The following FBXL17 variants were observed in gnomAD, a reference collection of about 807,000 sequenced individuals.
The protein encoded by FBXL17 is F-box/LRR-repeat protein 17.
In FBXL17, 22 loss-of-function variants were observed where a neutral mutation model predicts 66.2. The observed-to-expected ratio is 0.33, with a 90% CI of 0.24 to 0.47. The LOEUF (loss-of-function observed/expected upper bound fraction) is 0.47, where lower values mean the gene tolerates loss of function less well. Ranked by LOEUF, FBXL17 falls within the 20% of genes least tolerant of loss-of-function variation. FBXL17 has a pLI of 1.00. For synonymous variants in FBXL17, 474 were observed against 400.5 expected, an observed-to-expected ratio of 1.18 and a Z score of -2.19; for missense variants, 878 against 948.2, an observed-to-expected ratio of 0.93 and a Z score of 0.97.
chr5:108,338,370 C>T (rs1746652577), intron 4 of FBXL17, among the ~76,000 whole-genome samples: 1 of 151,984 alleles, frequency 6.6e-6, no homozygotes, highest in Non-Finnish European at 1.5e-5. Context: ...GGATTTACAA[C>T]CACTTTTCTT....
intron 3 of FBXL17, among the ~76,000 whole-genome samples, chr5:108,359,806 A>G (rs1748227310): frequency 6.6e-6 from 1 of 152,114 alleles, no homozygotes. Context: ...TGCTAGGTGC[A>G]GTGGGTTCAT....
chr5:107,915,310 C>T (rs1750088399), intron 7 of FBXL17, among the ~76,000 whole-genome samples: 1 of 152,052 alleles, frequency 6.6e-6, no homozygotes, highest in South Asian at 2.1e-4. Flanking sequence ...GAATCTGACA[C>T]TAAAAATGGC....
At chr5:108,154,660 T>TATATAC in intron 6 of FBXL17, among the ~76,000 whole-genome samples, 2 of 141,330 alleles carry the variant, frequency 1.4e-5, no homozygotes. Context: ...TATATGTATA[T>TATATAC]ACATATATAT....
intron 4 of FBXL17, among the ~76,000 whole-genome samples, chr5:108,280,325 A>C (rs1413903526): frequency 1.3e-5 from 2 of 152,168 alleles, no homozygotes; most frequent in Non-Finnish European, 2.9e-5. Context: ...GATATATTGA[A>C]TGTGCTAAAG....
At chr5:108,342,158 T>C (rs917738570) in intron 4 of FBXL17, among the ~76,000 whole-genome samples, 1 of 152,164 alleles carries the variant, frequency 6.6e-6, no homozygotes, top group East Asian at 1.9e-4. Context: ...TACAGAGTTA[T>C]CAGTTCATGA....
chr5:108,238,802 C>T (rs566844603), intron 4 of FBXL17, among the ~76,000 whole-genome samples: 35 of 152,126 alleles, frequency 2.3e-4, no homozygotes, highest in Non-Finnish European at 4.3e-4. Context: ...TGAGCTACTG[C>T]ACCCAGCTGA....
intron 4 of FBXL17, among the ~76,000 whole-genome samples, chr5:108,341,765 G>C (rs1746897064): frequency 6.6e-6 from 1 of 152,022 alleles, no homozygotes; most frequent in Non-Finnish European, 1.5e-5. Flanking sequence ...TAGTGGCACT[G>C]TAACACTCAC....
At chr5:108,268,966 T>C (rs118038488) in intron 4 of FBXL17, among the ~76,000 whole-genome samples, 1 of 152,204 alleles carries the variant, frequency 6.6e-6, no homozygotes, top group East Asian at 1.9e-4. Context: ...AATATTCATA[T>C]AATGAGGTAG....
rs149282435 is a variant in FBXL17 at position 107,979,643 on chromosome 5, T to C, written c.1822+41282A>G. On this transcript the variant is annotated intron_variant, in intron 7 of 8. Coordinates refer to ENST00000542267, the MANE Select transcript of FBXL17 (RefSeq NM_001163315.3). ...CCCTCTGGAAATGAGGCAGCAAATG[T>C]GGTCTTCTCTAAAAAGAGTATGAAT... Among the ~76,000 whole-genome samples the C allele has an allele frequency of 1.2e-4, 18 of 152,320 alleles. No homozygotes were observed. The East Asian group carries it at 2.3e-3, about 20-fold the overall frequency.
chr5:108,186,052 TA>T lies in FBXL17; in HGVS notation c.1745+64del, dbSNP rs1319426425. On this transcript the variant is annotated intron_variant, in intron 6 of 8. Coordinates refer to ENST00000542267, the MANE Select transcript of FBXL17 (RefSeq NM_001163315.3). ...TTTTAGTTATAGACATGCCTTGTTA[TA>T]ATAATTAATATTTCCTAAATGTTTT... 42 of 1,299,446 alleles carry T rather than the reference TA, an allele frequency of 3.2e-5. 1 individual carries two copies. The Admixed American group carries it at 3.2e-4, about 10-fold the overall frequency. 80.5% of individuals were successfully genotyped at this position (1,299,446 alleles called of 1,614,324 possible).
At chr5:108,202,917 A>T (rs1400928994) in intron 5 of FBXL17, among the ~76,000 whole-genome samples, 4 of 152,170 alleles carry the variant, frequency 2.6e-5, no homozygotes, top group Admixed American at 2.6e-4. Context: ...TATTTTAGTT[A>T]CACAGTGCGT....
In FBXL17 at chr5:108,306,200, T is replaced by C. The variant is rs575240722; in HGVS notation, c.1506+42199A>G. 1.1e-4 allele frequency among the ~76,000 whole-genome samples: 17 copies of C among 152,204 alleles called. No homozygotes were observed. The South Asian group carries it at 3.5e-3, about 32-fold the overall frequency. ...GTACTTACTGATATTATAATTCTAC[T>C]TTTTAGATATATGGGGGAAAATACA... On this transcript the variant is annotated intron_variant, in intron 4 of 8. Coordinates refer to ENST00000542267, the MANE Select transcript of FBXL17 (RefSeq NM_001163315.3).
Position 107,860,139 on chromosome 5 carries a change from G to T in FBXL17, c.*1581C>A, listed in dbSNP as rs187733703. The T allele has an allele frequency of 3.0e-4, 46 of 152,408 alleles. No homozygotes were observed. Among genetic ancestry groups the T allele is most frequent in the African/African-American group, 1.1e-3 (46 of 41,570 alleles). 9.4% of individuals were successfully genotyped at this position (152,408 alleles called of 1,614,324 possible). On this transcript the variant is annotated 3_prime_UTR_variant, in exon 9 of 9. Coordinates refer to ENST00000542267, the MANE Select transcript of FBXL17 (RefSeq NM_001163315.3). ...GGAAACAGTTGTTTACAAAAAAAGA[G>T]AATCATTAGAAATCAGTAAATGGCA...
intron 6 of FBXL17, among the ~76,000 whole-genome samples, chr5:108,164,772 A>G (rs536433414): frequency 6.6e-6 from 1 of 152,312 alleles, no homozygotes; most frequent in Non-Finnish European, 1.5e-5. Context: ...AAGTTAAGTA[A>G]CTTGCGCAAT....
intron 7 of FBXL17, among the ~76,000 whole-genome samples, chr5:107,904,164 C>A (rs1749672274): frequency 6.6e-6 from 1 of 152,150 alleles, no homozygotes; most frequent in Non-Finnish European, 1.5e-5. Context: ...TCAAAAGCAA[C>A]ATGTCCATTT....
rs568633858 is a variant in FBXL17 at position 108,177,909 on chromosome 5, A to AAG, written c.1745+8207_1745+8208insCT. ...TATTATCCTTGCTCCAGAAAAAAAA[A>AAG]TGTATATATATATATATATATATAC... On this transcript the variant is annotated intron_variant, in intron 6 of 8. Coordinates refer to ENST00000542267, the MANE Select transcript of FBXL17 (RefSeq NM_001163315.3). 3.8e-3 allele frequency among the ~76,000 whole-genome samples: 198 copies of AAG among 51,548 alleles called. 4 individuals are homozygous for AAG. Among genetic ancestry groups the AAG allele is most frequent in the Admixed American group, 7.5e-3 (30 of 3,992 alleles). 33.8% of individuals were successfully genotyped at this position (51,548 alleles called of 152,430 possible).
At chr5:108,356,797 G>A (rs1041211022) in intron 3 of FBXL17, among the ~76,000 whole-genome samples, 3 of 151,958 alleles carry the variant, frequency 2.0e-5, no homozygotes, top group African/African-American at 7.3e-5. Context: ...AATACCAAGA[G>A]TGAACCCTAA....
At chr5:107,955,885 T>C (rs910747723) in intron 7 of FBXL17, among the ~76,000 whole-genome samples, 9 of 152,156 alleles carry the variant, frequency 5.9e-5, no homozygotes, top group African/African-American at 2.2e-4. Flanking sequence ...TACTAATAGA[T>C]ATCAATCTCA....
At chr5:108,004,109 T>C (rs1341660508) in intron 7 of FBXL17, among the ~76,000 whole-genome samples, 1 of 152,158 alleles carries the variant, frequency 6.6e-6, no homozygotes, top group African/African-American at 2.4e-5. Context: ...GGAATAATGA[T>C]TGGCAGCTCT....
Sources: allele counts gnomAD v4.1 joint callset (sites outside exome capture counted in the v4.1 genomes callset), GRCh38; gene constraint gnomAD v4.1.1; transcripts MANE v1.5; gene names NCBI Gene and HGNC (gene_info 2026-07-23, HGNC 2026-07-21).